The following GLDC variants were observed in gnomAD, a reference collection of about 807,000 sequenced individuals.
The protein encoded by GLDC is glycine decarboxylase, also known as glycine dehydrogenase (decarboxylating), mitochondrial.
A neutral mutation model predicts 121.3 loss-of-function variants in GLDC; 104 were observed. The ratio of observed to expected loss-of-function variants is 0.86; its 90% CI spans 0.73 to 1.01. The LOEUF (loss-of-function observed/expected upper bound fraction) is 1.01. GLDC is among the 50% of genes least tolerant of loss of function. GLDC has a pLI of 0.00. For synonymous variants in GLDC, 546 were observed against 480.6 expected (o/e 1.14, Z -1.78); for missense variants, 1,429 against 1,306.6 (o/e 1.09, Z -1.44).
intron 2 of GLDC, among the ~76,000 whole-genome samples, chr9:6,634,537 A>AAACT (rs1156815945): frequency 1.7e-5 from 2 of 117,022 alleles, no homozygotes; most frequent in Non-Finnish European, 3.4e-5. Flanking sequence ...TCAAACAAAC[A>AAACT]AACAAACAAA....
chr9:6,544,857 TGGGAGGCCAA>T (rs1054454628), intron 21 of GLDC, among the ~76,000 whole-genome samples: 1 of 152,086 alleles, frequency 6.6e-6, no homozygotes, highest in Non-Finnish European at 1.5e-5. Flanking sequence ...CCCAGCACTT[TGGGAGGCCAA>T]GGTGGGTGGA....
In GLDC at chr9:6,616,936, G is replaced by A. The variant is rs182509445; in HGVS notation, c.470+3248C>T. On this transcript the variant is annotated intron_variant, in intron 3 of 24. Coordinates refer to ENST00000321612, the MANE Select transcript of GLDC (RefSeq NM_000170.3). ...CCTGCTGACAAAAATATACCAAACA[G>A]AAATAGCTACAAGGAATATGTAAAT... Among the ~76,000 whole-genome samples the A allele has an allele frequency of 7.2e-5, 11 of 152,250 alleles. No homozygotes were observed. In the East Asian group the frequency reaches 1.7e-3, roughly 24 times the overall value.
chr9:6,534,622 A>C (rs908053246), intron 24 of GLDC, 86 bp downstream of exon 24: 3 of 749,106 alleles, frequency 4.0e-6, no homozygotes, highest in Non-Finnish European at 4.9e-6. Flanking sequence ...TGGTTTCTGT[A>C]ATCATGAGGC....
chr9:6,557,859 A>G (rs1027175642), intron 17 of GLDC: 1 of 154,972 alleles, frequency 6.5e-6, no homozygotes, highest in African/African-American at 2.4e-5. Context: ...GGCCTGGAAC[A>G]CTTGTTGGAA....
intron 8 of GLDC, among the ~76,000 whole-genome samples, chr9:6,597,689 C>T (rs1818517402): frequency 6.6e-6 from 1 of 152,176 alleles, no homozygotes; most frequent in Non-Finnish European, 1.5e-5. Flanking sequence ...GTAATCCCAG[C>T]ACTTTGGGAG....
intron 8 of GLDC, among the ~76,000 whole-genome samples, chr9:6,600,948 G>C (rs1006051087): frequency 6.6e-6 from 1 of 152,156 alleles, no homozygotes; most frequent in Non-Finnish European, 1.5e-5. Flanking sequence ...GCCGAGGTGG[G>C]TGGATCATGA....
chr9:6,534,962 G>A (rs372464676), intron 23 of GLDC, among the ~76,000 whole-genome samples, 174 bp from the exon 24 acceptor site: 1 of 152,192 alleles, frequency 6.6e-6, no homozygotes, highest in South Asian at 2.1e-4. Flanking sequence ...TTAAATATCA[G>A]AACGTTATGG....
intron 21 of GLDC, among the ~76,000 whole-genome samples, chr9:6,544,044 G>A (rs1428739517): frequency 6.6e-6 from 1 of 152,186 alleles, no homozygotes; most frequent in Non-Finnish European, 1.5e-5. Flanking sequence ...CTTGAGAGAA[G>A]GGACCAGACC....
intron 16 of GLDC, among the ~76,000 whole-genome samples, chr9:6,565,045 G>A (rs1433149564): frequency 2.0e-5 from 3 of 152,224 alleles, no homozygotes; most frequent in Non-Finnish European, 4.4e-5. Context: ...GAGGATGCTT[G>A]CAATGGCAAC....
In GLDC at chr9:6,578,089, A is replaced by AT. The variant is rs200482952; in HGVS notation, c.1850+9051dup. Reference sequence around the variant, plus strand: ...GCCACTGTGCCCAGCTACTTTTTTAATTTTTTGTAGAGACTAAGTCTCACT... The same window carrying AT: ...GCCACTGTGCCCAGCTACTTTTTTAATTTTTTTGTAGAGACTAAGTCTCACT... On this transcript the variant is annotated intron_variant, in intron 15 of 24. Transcript: ENST00000321612. Among the ~76,000 whole-genome samples the AT allele has an allele frequency of 6.5e-3, 990 of 151,228 alleles. 8 individuals carry two copies. The highest frequency in any genetic ancestry group is 0.022 in the African/African-American group (922 of 41,174).
At chr9:6,585,837 T>C (rs1352736134) in intron 15 of GLDC, among the ~76,000 whole-genome samples, 1 of 120,022 alleles carries the variant, frequency 8.3e-6, no homozygotes, top group East Asian at 2.0e-4. Flanking sequence ...TTCATCTATG[T>C]ATGTATGTAT....
intron 3 of GLDC, among the ~76,000 whole-genome samples, chr9:6,616,521 C>A (rs1321936936): frequency 6.6e-6 from 1 of 152,104 alleles, no homozygotes; most frequent in Non-Finnish European, 1.5e-5. Flanking sequence ...GGACAGTGAG[C>A]CTTGGATCTG....
chr9:6,608,140 G>A (rs552981284), intron 4 of GLDC, among the ~76,000 whole-genome samples: 67 of 151,222 alleles, frequency 4.4e-4, no homozygotes, highest in African/African-American at 1.5e-3. Context: ...AGGGCCGGGC[G>A]GGGTGGTTCA....
intron 3 of GLDC, among the ~76,000 whole-genome samples, chr9:6,613,754 TTA>T (rs1417372696): frequency 6.6e-6 from 1 of 152,062 alleles, no homozygotes; most frequent in Non-Finnish European, 1.5e-5. Context: ...GAATTCCAAA[TTA>T]TATATGATAA....
intron 2 of GLDC, among the ~76,000 whole-genome samples, chr9:6,628,508 G>T (rs1819293701): frequency 6.6e-6 from 1 of 152,236 alleles, no homozygotes; most frequent in African/African-American, 2.4e-5. Context: ...AACGCTTGAA[G>T]GCTGGGGGCA....
At chr9:6,575,887 G>A (rs756592107) in intron 15 of GLDC, among the ~76,000 whole-genome samples, 7 of 152,184 alleles carry the variant, frequency 4.6e-5, no homozygotes, top group Non-Finnish European at 7.3e-5. Flanking sequence ...AGCAAGCCCC[G>A]CTGGGCTCAG....
chr9:6,550,001 C>G (rs1421617807), intron 21 of GLDC, among the ~76,000 whole-genome samples: 1 of 152,168 alleles, frequency 6.6e-6, no homozygotes. Context: ...CTCCCTCTCC[C>G]CTATCCCATC....
At chr9:6,581,629 A>G (rs1314834159) in intron 15 of GLDC, among the ~76,000 whole-genome samples, 1 of 152,236 alleles carries the variant, frequency 6.6e-6, no homozygotes, top group East Asian at 1.9e-4. Context: ...GTCAAGGCAG[A>G]TAATACAGAA....
chr9:6,569,688 C>G (rs180999608), intron 15 of GLDC, among the ~76,000 whole-genome samples: 1 of 150,684 alleles, frequency 6.6e-6, no homozygotes, highest in African/African-American at 2.4e-5. Flanking sequence ...ATGTTGCAGA[C>G]CAGGCACAGT....
Sources: gnomAD v4.1 joint callset for allele counts (sites outside exome capture counted in the v4.1 genomes callset) on GRCh38, gnomAD v4.1.1 for gene constraint, MANE v1.5 for transcripts, NCBI Gene and HGNC (gene_info 2026-07-23, HGNC 2026-07-21) for gene names.